The following DENND4C variants were observed in gnomAD, a reference collection of about 807,000 sequenced individuals.
DENND4C encodes the protein DENN domain containing 4C, also known as DENN domain-containing protein 4C.
Under a neutral mutation model 203.0 loss-of-function variants are expected in DENND4C, and 108 were observed. The observed-to-expected ratio is 0.53, with a 90% CI of 0.46 to 0.62. The LOEUF is 0.62. Among genes scored for constraint, DENND4C ranks in the 20% least tolerant of loss-of-function variants. DENND4C has a pLI of 0.00. For synonymous variants in DENND4C, 871 were observed against 792.4 expected, an observed-to-expected ratio of 1.10 and a Z score of -1.67; for missense variants, 2,481 against 2,301.2, an observed-to-expected ratio of 1.08 and a Z score of -1.60.
intron 30 of DENND4C, among the ~76,000 whole-genome samples, chr9:19,366,356 C>CT (rs1367716462): frequency 6.6e-6 from 1 of 152,218 alleles, no homozygotes; most frequent in Non-Finnish European, 1.5e-5. Context: ...AATCCCAGCA[C>CT]TTTGGGAGGC....
intron 4 of DENND4C, among the ~76,000 whole-genome samples, chr9:19,290,353 A>T (rs902527936): frequency 2.0e-5 from 3 of 152,220 alleles, no homozygotes; most frequent in African/African-American, 7.2e-5. Context: ...TTCACAGAAG[A>T]CTAACTGAAA....
intron 31 of DENND4C, 171 bp from the exon 32 acceptor site, chr9:19,371,585 A>C (rs1828838511): frequency 4.8e-6 from 2 of 414,564 alleles, no homozygotes; most frequent in East Asian, 1.0e-4. Context: ...GCTTCCTCCA[A>C]ATGTGACACC....
chr9:19,317,238 C>G (rs972680854), intron 12 of DENND4C, among the ~76,000 whole-genome samples: 2 of 140,664 alleles, frequency 1.4e-5, no homozygotes, highest in African/African-American at 5.3e-5. Context: ...CCAGGCTGGA[C>G]TTGAACTCCT....
At chr9:19,263,096 G>C (rs1829756142) in intron 1 of DENND4C, among the ~76,000 whole-genome samples, 1 of 152,144 alleles carries the variant, frequency 6.6e-6, no homozygotes, top group African/African-American at 2.4e-5. Context: ...CTCTTACTGT[G>C]TTAAGGTATG....
At chr9:19,288,563 G>A (rs901634580) in intron 3 of DENND4C, 33 bp from the exon 4 acceptor site, 9 of 1,203,512 alleles carry the variant, frequency 7.5e-6, no homozygotes, top group African/African-American at 1.6e-5. Context: ...TCACTCTTTT[G>A]TCTTTTTTAT....
intron 16 of DENND4C, among the ~76,000 whole-genome samples, chr9:19,330,255 A>G (rs572604939): frequency 8.5e-5 from 13 of 152,126 alleles, no homozygotes; most frequent in African/African-American, 2.9e-4. Flanking sequence ...TCTTAGAAAA[A>G]CAAGGGCATG....
rs1825787409 is a variant in DENND4C at position 19,358,189 on chromosome 9, T to C, written c.5160+29T>C. 1.9e-6 allele frequency: 3 copies of C among 1,567,150 alleles called. No homozygotes were observed. Among genetic ancestry groups the C allele is most frequent in the Non-Finnish European group, 2.6e-6 (3 of 1,139,848 alleles). ...TGTAACAACAACAACATTGTAATTA[T>C]ACTGCATACACACCTAAGTATATAG... is the stretch of plus-strand genomic sequence containing the variant. On this transcript the variant is annotated intron_variant, in intron 28 of 32. Coordinates refer to ENST00000434457, the MANE Select transcript of DENND4C (RefSeq NM_001330640.2). The surrounding 1 kb of genome is among the most constrained non-coding windows in gnomAD (Gnocchi z 4.8).
chr9:19,371,709 T>A (rs1250477235), intron 31 of DENND4C, 47 bp from the exon 32 acceptor site: 1 of 993,440 alleles, frequency 1.0e-6, no homozygotes, highest in Admixed American at 2.3e-5. Context: ...GCATCTGTGT[T>A]TTTATGCTAT....
At chr9:19,284,686 A>G (rs992699797) in intron 2 of DENND4C, among the ~76,000 whole-genome samples, 1 of 152,070 alleles carries the variant, frequency 6.6e-6, no homozygotes, top group Non-Finnish European at 1.5e-5. Flanking sequence ...GAGGTTAATC[A>G]TTGCTCCATA....
Position 19,288,676 on chromosome 9 carries a change from T to TA in DENND4C, c.628+19dup, listed in dbSNP as rs529711280. The TA allele has an allele frequency of 2.0e-3, 2,405 of 1,228,410 alleles. 5 individuals carry two copies. The highest frequency in any genetic ancestry group is 2.3e-3 in the Non-Finnish European group (2,245 of 984,904). The allele number at this position is 1,228,410 out of a possible 1,614,324, so 76.1% of individuals were successfully genotyped here. On this transcript the variant is annotated intron_variant, in intron 4 of 32. Coordinates refer to ENST00000434457, the MANE Select transcript of DENND4C (RefSeq NM_001330640.2). ...TAGCATATAAGGCTGGTAAGTGAGT[T>TA]AAAAAAAATTGTCTCAATTGCTATA...
intron 13 of DENND4C, among the ~76,000 whole-genome samples, chr9:19,325,420 T>G (rs1439042449): frequency 1.3e-5 from 2 of 152,170 alleles, no homozygotes; most frequent in Non-Finnish European, 2.9e-5. Context: ...TTATATAACA[T>G]TTGAGATTGT....
At chr9:19,362,444 A>G (rs564185202) in intron 30 of DENND4C, among the ~76,000 whole-genome samples, 3 of 152,282 alleles carry the variant, frequency 2.0e-5, no homozygotes, top group South Asian at 4.1e-4. Context: ...AAAAAGAAAC[A>G]GAATTAAACT....
At chr9:19,306,927 G>A (rs556123963) in intron 10 of DENND4C, among the ~76,000 whole-genome samples, 32 of 151,962 alleles carry the variant, frequency 2.1e-4, no homozygotes, top group Admixed American at 9.8e-4. Context: ...ATTAACAGGC[G>A]TGTGCCACCA....
intron 1 of DENND4C, among the ~76,000 whole-genome samples, chr9:19,231,704 G>C (rs1363644473): frequency 6.6e-6 from 1 of 151,786 alleles, no homozygotes; most frequent in East Asian, 1.9e-4. Context: ...AGTTACCGCG[G>C]GTACTTGTGC....
intron 1 of DENND4C, among the ~76,000 whole-genome samples, chr9:19,265,281 T>C (rs978086133): frequency 2.6e-5 from 4 of 152,120 alleles, no homozygotes; most frequent in African/African-American, 9.7e-5. Context: ...TCTCCCAAAA[T>C]GCTGGGATTA....
rs778640596 is a variant in DENND4C at position 19,360,272 on chromosome 9, C to T, written c.5189C>T (p.Pro1730Leu). Residue 1730 changes from proline (P) to leucine (L), a missense_variant, in exon 29 of 33, where the codon CCC (proline) becomes CTC (leucine). This residue lies in a region of DENND4C where 2,289 missense variants were observed against 2,113.3 expected (regional missense o/e 1.08). Coordinates refer to ENST00000434457, the MANE Select transcript of DENND4C (RefSeq NM_001330640.2). ...CCTTTAGGAAAAAGACCCAATCCTC[C>T]CCCTGTTTCTGTGCCCTACTTGAGT... Reference protein sequence around the residue: ...VDPLGKRPNPPPVSVPYLSPL... With the variant: ...VDPLGKRPNPLPVSVPYLSPL... The T allele has an allele frequency of 1.2e-5, 20 of 1,612,846 alleles. No individual in the cohort carries two copies. Among genetic ancestry groups the T allele is most frequent in the Non-Finnish European group, 1.7e-5 (20 of 1,179,662 alleles).
chr9:19,285,390 C>T (rs1007800281), intron 2 of DENND4C, among the ~76,000 whole-genome samples: 5 of 152,068 alleles, frequency 3.3e-5, no homozygotes, highest in African/African-American at 1.2e-4. Flanking sequence ...GTGCAGCTAC[C>T]ACCACAATTA....
chr9:19,298,193 G>T (rs888955907), intron 7 of DENND4C, 71 bp downstream of exon 7: 1 of 1,400,084 alleles, frequency 7.1e-7, no homozygotes, highest in South Asian at 1.3e-5. Context: ...AGTGGATTCT[G>T]TATACCTTTG....
chr9:19,313,627 G>T (rs756299026), intron 10 of DENND4C, among the ~76,000 whole-genome samples: 1 of 152,162 alleles, frequency 6.6e-6, no homozygotes, highest in African/African-American at 2.4e-5. Context: ...TTCAAGAGAC[G>T]TTAAAATATG....
Sources: gnomAD v4.1 joint callset for allele counts (sites outside exome capture counted in the v4.1 genomes callset) on GRCh38, gnomAD v4.1.1 for gene constraint, gnomAD v4.1.1 regional missense constraint, Gnocchi (gnomAD v3.1) non-coding constraint, MANE v1.5 for transcripts, NCBI Gene and HGNC (gene_info 2026-07-23, HGNC 2026-07-21) for gene names.